Variants in DGKI observed in about 807,000 individuals in gnomAD.
DGKI encodes the protein diacylglycerol kinase iota, also known as DAG kinase iota.
A neutral mutation model predicts 147.5 loss-of-function variants in DGKI; 55 were observed. The observed-to-expected ratio is 0.37, with a 90% CI of 0.30 to 0.47. The LOEUF (loss-of-function observed/expected upper bound fraction) is 0.47, where lower values mean the gene tolerates loss of function less well. Among genes scored for constraint, DGKI ranks in the 20% least tolerant of loss-of-function variants. DGKI has a pLI of 1.00. For synonymous variants in DGKI, 469 were observed against 477.1 expected, an observed-to-expected ratio of 0.98 and a Z score of 0.22; for missense variants, 1,007 against 1,323.8, an observed-to-expected ratio of 0.76 and a Z score of 3.71.
chr7:137,592,146 A>T (rs915327734), intron 12 of DGKI, among the ~76,000 whole-genome samples: 1 of 152,206 alleles, frequency 6.6e-6, no homozygotes, highest in African/African-American at 2.4e-5. Context: ...ACCCGTTTCC[A>T]CCTGAAGTCC....
chr7:137,538,626 A>G (rs1321529318), intron 20 of DGKI, among the ~76,000 whole-genome samples: 1 of 152,206 alleles, frequency 6.6e-6, no homozygotes, highest in Non-Finnish European at 1.5e-5. Context: ...GAATTTAGCT[A>G]TGACACTCGC....
chr7:137,826,262 G>C (rs1798054754), intron 1 of DGKI, among the ~76,000 whole-genome samples: 1 of 152,160 alleles, frequency 6.6e-6, no homozygotes, highest in African/African-American at 2.4e-5. Context: ...AAAATGCAGA[G>C]CGTGAGCCAG....
intron 27 of DGKI, among the ~76,000 whole-genome samples, chr7:137,451,473 C>T (rs1297562727): frequency 2.0e-5 from 3 of 152,178 alleles, no homozygotes; most frequent in Non-Finnish European, 4.4e-5. Context: ...TCCTTCAAAG[C>T]CTTTTATCTT....
chr7:137,822,549 A>T (rs1208826893), intron 1 of DGKI, among the ~76,000 whole-genome samples: 1 of 152,126 alleles, frequency 6.6e-6, no homozygotes, highest in Non-Finnish European at 1.5e-5. Context: ...ACAAACCAGG[A>T]CCCCACGGTG....
At chr7:137,681,303 C>G (rs1823228079) in intron 2 of DGKI, among the ~76,000 whole-genome samples, 2 of 152,168 alleles carry the variant, frequency 1.3e-5, no homozygotes, top group Non-Finnish European at 2.9e-5. Flanking sequence ...TAGGCTTCAC[C>G]TCACAGTCAA....
At chr7:137,690,331 G>C (rs1343078411) in intron 1 of DGKI, among the ~76,000 whole-genome samples, 1 of 151,900 alleles carries the variant, frequency 6.6e-6, no homozygotes, top group African/African-American at 2.4e-5. Flanking sequence ...CTAGGGTTTG[G>C]GCAGCCACCA....
At chr7:137,790,973 A>G (rs940778892) in intron 1 of DGKI, among the ~76,000 whole-genome samples, 5 of 152,180 alleles carry the variant, frequency 3.3e-5, no homozygotes, top group Admixed American at 2.0e-4. Flanking sequence ...GCTACAGTCC[A>G]AAGGATAATT....
chr7:137,749,185 C>G (rs1020246258), intron 1 of DGKI, among the ~76,000 whole-genome samples: 1 of 152,186 alleles, frequency 6.6e-6, no homozygotes, highest in Non-Finnish European at 1.5e-5. Flanking sequence ...ATAACTCAGA[C>G]AGCTCCTCTG....
chr7:137,538,483 C>A (rs1489941766), intron 20 of DGKI, among the ~76,000 whole-genome samples: 1 of 152,166 alleles, frequency 6.6e-6, no homozygotes, highest in African/African-American at 2.4e-5. Flanking sequence ...AATAAGCAGA[C>A]CCACACAATT....
chr7:137,433,525 T>C (rs1410713524), intron 28 of DGKI, among the ~76,000 whole-genome samples: 1 of 152,208 alleles, frequency 6.6e-6, no homozygotes, highest in Non-Finnish European at 1.5e-5. Flanking sequence ...ACATGAGAAT[T>C]ATATTATAAT....
At chr7:137,475,242 A>G (rs1335305279) in intron 23 of DGKI, among the ~76,000 whole-genome samples, 2 of 152,206 alleles carry the variant, frequency 1.3e-5, no homozygotes, top group African/African-American at 4.8e-5. Context: ...ACAAATTTGT[A>G]TGAGTGAACA....
intron 6 of DGKI, among the ~76,000 whole-genome samples, chr7:137,629,900 T>G (rs1207205692): frequency 6.6e-6 from 1 of 152,200 alleles, no homozygotes; most frequent in Non-Finnish European, 1.5e-5. Context: ...TAGCATAATA[T>G]TCTAGACTTT....
At chr7:137,564,548 C>T (rs563636219) in intron 19 of DGKI, among the ~76,000 whole-genome samples, 51 of 150,146 alleles carry the variant, frequency 3.4e-4, no homozygotes, top group Admixed American at 2.9e-3. Flanking sequence ...TTAAAATATG[C>T]AAAAAAACAC....
chr7:137,523,177 A>G (rs546401765), intron 20 of DGKI, among the ~76,000 whole-genome samples: 10 of 152,172 alleles, frequency 6.6e-5, no homozygotes, highest in African/African-American at 2.2e-4. Context: ...TGTGTCTACA[A>G]TATTAGGACA....
chr7:137,570,081 C>T (rs1818742035), intron 19 of DGKI, among the ~76,000 whole-genome samples: 1 of 151,974 alleles, frequency 6.6e-6, no homozygotes, highest in South Asian at 2.1e-4. Flanking sequence ...AAAAGAGAGA[C>T]CTATTTTGAT....
In DGKI at chr7:137,400,454, C is replaced by T. The variant is rs1181800941; in HGVS notation, c.2921-3041G>A. Among the ~76,000 whole-genome samples the T allele has an allele frequency of 2.0e-5, 3 of 152,336 alleles. No homozygotes were observed. In the East Asian group the frequency reaches 5.8e-4, roughly 29 times the overall value. On this transcript the variant is annotated intron_variant, in intron 30 of 32. Transcript: ENST00000614521. ...ATGCCACGGTGAGTCCACAGTTATC[C>T]AGGGTCTAAGCCTCTATGCAAGTGA...
chr7:137,776,104 T>C (rs1217452194), intron 1 of DGKI, among the ~76,000 whole-genome samples: 1 of 152,166 alleles, frequency 6.6e-6, no homozygotes, highest in Admixed American at 6.5e-5. Context: ...GTGATCCACC[T>C]GCCTTGGCCT....
intron 5 of DGKI, among the ~76,000 whole-genome samples, chr7:137,652,073 G>A (rs1247822237): frequency 6.6e-6 from 1 of 152,144 alleles, no homozygotes; most frequent in Non-Finnish European, 1.5e-5. Context: ...CCACAAAACT[G>A]AGAATTAGAG....
intron 20 of DGKI, among the ~76,000 whole-genome samples, chr7:137,531,193 T>C (rs766250309): frequency 6.6e-6 from 1 of 152,184 alleles, no homozygotes; most frequent in African/African-American, 2.4e-5. Context: ...TGCATTCTCA[T>C]AGAAGAATTC....
Sources: gnomAD v4.1 joint callset for allele counts (sites outside exome capture counted in the v4.1 genomes callset) on GRCh38, gnomAD v4.1.1 for gene constraint, MANE v1.5 for transcripts, NCBI Gene and HGNC (gene_info 2026-07-23, HGNC 2026-07-21) for gene names.